Variants in TTC12 observed in about 807,000 individuals in gnomAD.
TTC12 encodes the protein tetratricopeptide repeat protein 12.
A neutral mutation model predicts 90.1 loss-of-function variants in TTC12; 70 were observed. That is an observed-to-expected ratio of 0.78 (90% confidence interval 0.64 to 0.95). TTC12 has a LOEUF of 0.95. Ranked by LOEUF, TTC12 falls within the 40% of genes least tolerant of loss-of-function variation. The pLI is 0.00. For missense variants in TTC12, 819 were observed against 846.1 expected, an observed-to-expected ratio of 0.97 and a Z score of 0.40; for synonymous variants, 296 against 311.5, an observed-to-expected ratio of 0.95 and a Z score of 0.53.
intron 14 of TTC12, among the ~76,000 whole-genome samples, chr11:113,350,419 CAGT>C (rs1237894341): frequency 6.6e-6 from 1 of 152,178 alleles, no homozygotes; most frequent in African/African-American, 2.4e-5. Context: ...GTGCCTCTCA[CAGT>C]AGGCAAGCCT....
rs569388176 is a variant in TTC12 at position 113,372,777 on chromosome 11, G to A, written c.*121-347G>A. Among the ~76,000 whole-genome samples the A allele has an allele frequency of 3.3e-5, 5 of 152,206 alleles. No individual in the cohort carries two copies. The South Asian group carries it at 1.0e-3, about 32-fold the overall frequency. ...GCCTTAAAGTAGGCTTGGTTTTAGGGTCATGTTCTTGTTCCCAGTTAGGCC... is the reference window on the plus strand; with the variant it reads ...GCCTTAAAGTAGGCTTGGTTTTAGGATCATGTTCTTGTTCCCAGTTAGGCC... On this transcript the variant is annotated intron_variant, in intron 21 of 21. Transcript: ENST00000314756.
At position 113,351,288 on chromosome 11, in the gene TTC12, A is replaced by T; in HGVS notation, c.1297A>T (p.Thr433Ser). 6.2e-7 allele frequency: 1 copy of T among 1,614,034 alleles called. No homozygotes were observed. Among genetic ancestry groups the T allele is most frequent in the South Asian group, 1.1e-5 (1 of 91,076 alleles). The change falls in exon 15 of 22, where the codon ACA becomes TCA. Residue 433 changes from threonine to serine, a missense_variant. Thr to Ser is a moderately conservative substitution (Grantham distance 58). Transcript: ENST00000529221. ...ANLPGVLPALTGVLKTDPKVS... is the reference protein window; with the variant it reads ...ANLPGVLPALSGVLKTDPKVS... ...CCTTCCAGGTGTTCTCCCTGCACTCACAGGCGTTCTGGTGAGCAAACTGTC... is the reference window on the plus strand; with the variant it reads ...CCTTCCAGGTGTTCTCCCTGCACTCTCAGGCGTTCTGGTGAGCAAACTGTC...
At chr11:113,347,428 T>C (rs1949030720) in intron 13 of TTC12, among the ~76,000 whole-genome samples, 1 of 152,156 alleles carries the variant, frequency 6.6e-6, no homozygotes, top group African/African-American at 2.4e-5. Context: ...TGATTCGGGA[T>C]GGGCACTAAC....
chr11:113,319,289 G>T (rs1555137164), intron 2 of TTC12, among the ~76,000 whole-genome samples: 1 of 152,096 alleles, frequency 6.6e-6, no homozygotes, highest in Non-Finnish European at 1.5e-5. Flanking sequence ...AACTGTCAAG[G>T]TCATCAAAAT....
chr11:113,368,293 C>T, downstream of TTC12: 3 of 1,538,476 alleles, frequency 1.9e-6, no homozygotes, highest in South Asian at 1.2e-5. Flanking sequence ...AGTATTCTCC[C>T]TCTCCAGTGT....
intron 2 of TTC12, among the ~76,000 whole-genome samples, chr11:113,316,854 T>C (rs1946972493): frequency 6.6e-6 from 1 of 152,228 alleles, no homozygotes; most frequent in African/African-American, 2.4e-5. Flanking sequence ...TGTACTCTGA[T>C]CCCACAGATC....
chr11:113,351,399 T>G, intron 15 of TTC12, 100 bp downstream of exon 15: 1 of 967,650 alleles, frequency 1.0e-6, no homozygotes, highest in Non-Finnish European at 1.6e-6. Flanking sequence ...CTATTGTCTC[T>G]CGGTTGATTA....
rs576483837 is a variant in TTC12 at position 113,373,048 on chromosome 11, G to A, written c.*121-76G>A. ...AGCCCCAACATAATAAAAATGATAG[G>A]TATCTCCTGTTAAATACTTGACTGG... On this transcript the variant is annotated intron_variant, in intron 21 of 21. Transcript: ENST00000314756. 1.9e-5 allele frequency: 4 copies of A among 209,172 alleles called. No homozygotes were observed. In the South Asian group the frequency reaches 6.7e-4, roughly 35 times the overall value. 13.0% of individuals were successfully genotyped at this position (209,172 alleles called of 1,614,324 possible). A position where few individuals can be genotyped will look rare whatever the true frequency, so the allele number is the denominator to read the frequency against.
At chr11:113,333,332 C>T (rs1948168788) in intron 7 of TTC12, among the ~76,000 whole-genome samples, 1 of 152,196 alleles carries the variant, frequency 6.6e-6, no homozygotes, top group South Asian at 2.1e-4. Context: ...CTCTCTTCAC[C>T]TCTCTGTGTC....
At chr11:113,372,414 C>T (rs1044277891) in intron 21 of TTC12, among the ~76,000 whole-genome samples, 2 of 152,192 alleles carry the variant, frequency 1.3e-5, no homozygotes, top group African/African-American at 4.8e-5. Flanking sequence ...CCTTCCCAGG[C>T]ACCTTCTCAC....
chr11:113,352,041 G>A (rs1949325872), intron 15 of TTC12, 29 bp from the exon 16 acceptor site: 1 of 1,610,228 alleles, frequency 6.2e-7, no homozygotes, highest in African/African-American at 1.3e-5. Flanking sequence ...TGCTCTCTGA[G>A]GCTCTGCCTT....
rs782259706 is a variant in TTC12 at position 113,325,521 on chromosome 11, T to C, written c.323-3T>C. 2.5e-6 allele frequency: 4 copies of C among 1,613,562 alleles called. No individual in the cohort carries two copies. The African/African-American group carries it at 5.3e-5, about 22-fold the overall frequency. On this transcript the variant is annotated splice_region_variant and splice_polypyrimidine_tract_variant and intron_variant, in intron 5 of 21. Transcript: ENST00000529221. Reference sequence around the variant, plus strand: ...CTCACCTGTGTAACTTATATTCCCATAGCCCTAAAAGAAAAAGGGAATGAA... The same window carrying C: ...CTCACCTGTGTAACTTATATTCCCACAGCCCTAAAAGAAAAAGGGAATGAA...
At chr11:113,320,237 A>C (rs1947224590) in intron 2 of TTC12, among the ~76,000 whole-genome samples, 1 of 152,106 alleles carries the variant, frequency 6.6e-6, no homozygotes, top group African/African-American at 2.4e-5. Context: ...TGCAGCGCTA[A>C]GTGGAAACAG....
At chr11:113,362,622 T>G in intron 19 of TTC12, 120 bp downstream of exon 19, 1 of 696,758 alleles carries the variant, frequency 1.4e-6, no homozygotes, top group South Asian at 1.8e-5. Context: ...CCTTGCTAGA[T>G]TTTAAACTTC....
chr11:113,319,147 C>T (rs1947132661), intron 2 of TTC12, among the ~76,000 whole-genome samples: 1 of 152,150 alleles, frequency 6.6e-6, no homozygotes, highest in Admixed American at 6.5e-5. Context: ...GGCATGCATC[C>T]CTGATACGCC....
At position 113,339,433 on chromosome 11, in the gene TTC12, A is replaced by G. The variant is rs201339600; in HGVS notation, c.785A>G (p.Tyr262Cys). The change falls in exon 10 of 22, where the codon TAT becomes TGT. Residue 262 changes from tyrosine to cysteine, a missense_variant. Transcript: ENST00000529221. ...LSKPDQIPLF[Y>C]AGGIEILTEM... Reference sequence around the variant, plus strand: ...AAGCCTGACCAGATCCCCTTGTTCTATGCTGGGGGGATTGAGATCCTGACT... The same window carrying G: ...AAGCCTGACCAGATCCCCTTGTTCTGTGCTGGGGGGATTGAGATCCTGACT... 3.7e-6 allele frequency: 6 copies of G among 1,613,072 alleles called. No individual in the cohort carries two copies. The highest frequency in any genetic ancestry group is 1.7e-4 in the Middle Eastern group (1 of 6,054).
chr11:113,329,742 TC>T, intron 6 of TTC12, 177 bp from the exon 7 acceptor site: 1 of 672,068 alleles, frequency 1.5e-6, no homozygotes, highest in Non-Finnish European at 2.8e-6. Context: ...GTCCCTGTAT[TC>T]AACTCTCCTC....
At chr11:113,314,790 TG>T (rs1555134421) in intron 1 of TTC12, 172 bp downstream of exon 1, 3 of 137,724 alleles carry the variant, frequency 2.2e-5, no homozygotes, top group Non-Finnish European at 4.9e-5. Flanking sequence ...TGCGGACGCC[TG>T]GGAGCGGTTG....
intron 8 of TTC12, among the ~76,000 whole-genome samples, chr11:113,337,235 T>C (rs1422007244): frequency 1.3e-5 from 2 of 152,234 alleles, no homozygotes; most frequent in Non-Finnish European, 2.9e-5. Flanking sequence ...ATACAGGCAA[T>C]AAAGAATACA....
Sources: gnomAD v4.1 joint callset for allele counts (sites outside exome capture counted in the v4.1 genomes callset) on GRCh38, gnomAD v4.1.1 for gene constraint, MANE v1.5 for transcripts, NCBI Gene and HGNC (gene_info 2026-07-23, HGNC 2026-07-21) for gene names.